The following ZMYND10 variants were observed in gnomAD, a reference collection of about 807,000 sequenced individuals.
ZMYND10 encodes the protein zinc finger MYND-type containing 10, also known as zinc finger MYND domain-containing protein 10.
A neutral mutation model predicts 62.6 loss-of-function variants in ZMYND10; 52 were observed. That is an observed-to-expected ratio of 0.83 (90% CI 0.67 to 1.05). The LOEUF (loss-of-function observed/expected upper bound fraction) is 1.05. Ranked by LOEUF, ZMYND10 falls within the 50% of genes least tolerant of loss-of-function variation. The pLI is 0.00. For missense variants in ZMYND10, 438 were observed against 543.3 expected (o/e 0.81, Z 1.93); for synonymous variants, 197 against 218.5 (o/e 0.90, Z 0.87).
At chr3:50,342,832 C>T (rs1703428388) in intron 7 of ZMYND10, 86 bp downstream of exon 7, 3 of 1,520,770 alleles carry the variant, frequency 2.0e-6, no homozygotes, top group Admixed American at 3.8e-5. Context: ...CAGGGTTTGT[C>T]TTCGTGTGTG....
chr3:50,345,287 TG>T lies in ZMYND10; in HGVS notation c.93-56del, dbSNP rs869143345. ...CACGTGTGTGCATTAGGAGTGGGGA[TG>T]GGGGCTGGATCCTACTGAAGCCTAA... On this transcript the variant is annotated intron_variant, in intron 1 of 11. Transcript: ENST00000231749. This position sits in a 1 kb window ranked among gnomAD's most constrained non-coding sequence, Gnocchi z 5.0. 2 of 1,578,590 alleles carry T rather than the reference TG, an allele frequency of 1.3e-6. No individual in the cohort carries two copies. Among genetic ancestry groups the T allele is most frequent in the Non-Finnish European group, 8.6e-7 (1 of 1,157,206 alleles).
At chr3:50,341,537 T>G in intron 11 of ZMYND10, 37 bp downstream of exon 11, 1 of 1,614,092 alleles carries the variant, frequency 6.2e-7, no homozygotes, top group Non-Finnish European at 8.5e-7. Flanking sequence ...GATGTGGGAG[T>G]AGGGCTTAGA....
chr3:50,341,234 G>A lies in ZMYND10; in HGVS notation c.*176C>T, dbSNP rs1336168877. ...CCCACTGGGTGGGGCAGGAAGTCTC[G>A]AGCCTTCACTTGGGGTGAGGAGGAG... On this transcript the variant is annotated 3_prime_UTR_variant, in exon 12 of 12. Transcript: ENST00000231749. The A allele has an allele frequency of 2.5e-6, 2 of 792,272 alleles. No homozygotes were observed. The highest frequency in any genetic ancestry group is 4.0e-6 in the Non-Finnish European group (2 of 503,966). The allele number at this position is 792,272 out of a possible 1,614,324, so 49.1% of individuals were successfully genotyped here. A position where few individuals can be genotyped will look rare whatever the true frequency, so the allele number is the denominator to read the frequency against.
At chr3:50,341,549 G>A (rs199567347) in intron 11 of ZMYND10, 25 bp downstream of exon 11, 133 of 1,614,216 alleles carry the variant, frequency 8.2e-5, no homozygotes, top group South Asian at 3.5e-4. Context: ...GGGCTTAGAG[G>A]TCCAAGGTTC....
chr3:50,342,430 G>A lies in ZMYND10; in HGVS notation c.840C>T (p.Cys280=). The change falls in exon 8 of 12, where the codon TGC becomes TGT. Residue 280 remains cysteine (C), a synonymous_variant. Transcript: ENST00000231749. ...GCCGTCCCTTGGCAAAACTTGTGAG[G>A]CAGTAGCGCGCCTGAGCCTCAGGGC... is the stretch of plus-strand genomic sequence containing the variant. ...LLSPEAQARY[C]LTSFAKGRLL... is the part of the protein sequence containing the mutation. 6.2e-7 allele frequency: 1 copy of A among 1,600,796 alleles called. No individual in the cohort carries two copies.
intron 2 of ZMYND10, among the ~76,000 whole-genome samples, chr3:50,344,367 G>A (rs1703479908): frequency 6.9e-6 from 1 of 145,738 alleles, no homozygotes; most frequent in Non-Finnish European, 1.5e-5. Context: ...CACCCAGGCT[G>A]GAGTGCAGTG....
At chr3:50,344,228 C>G (rs587601266) in intron 2 of ZMYND10, among the ~76,000 whole-genome samples, 1 of 152,258 alleles carries the variant, frequency 6.6e-6, no homozygotes, top group Non-Finnish European at 1.5e-5. Flanking sequence ...GTGCCTTGGC[C>G]TCACTCCTAC....
In ZMYND10 at chr3:50,343,608, G is replaced by T; in HGVS notation, c.327C>A (p.His109Gln). Reference sequence around the variant, plus strand: ...CCAAGAGGTTGATGATGGAGGCCTCGTGGTGCACCTGTCAGATAAAGAGAA... The same window carrying T: ...CCAAGAGGTTGATGATGGAGGCCTCTTGGTGCACCTGTCAGATAAAGAGAA... ...NTFPIYMVVHHEASIINLLET... is the reference protein window; with the variant it reads ...NTFPIYMVVHQEASIINLLET... The change falls in exon 4 of 12, where the codon CAC (histidine) becomes CAA (glutamine). Residue 109 changes from histidine (H) to glutamine (Q), a missense_variant. Physicochemically the swap from His to Gln is conservative, Grantham distance 24. Coordinates refer to ENST00000231749, the MANE Select transcript of ZMYND10 (RefSeq NM_015896.4). The T allele has an allele frequency of 6.2e-7, 1 of 1,614,122 alleles. No individual in the cohort carries two copies.
chr3:50,344,312 T>C (rs991726215), intron 2 of ZMYND10, among the ~76,000 whole-genome samples: 2 of 146,240 alleles, frequency 1.4e-5, no homozygotes, highest in South Asian at 2.1e-4. Context: ...GCAAAGGACC[T>C]TTCTTTTTTT....
rs780693468 is a variant in ZMYND10 at position 50,342,573 on chromosome 3, G to A, written c.701-4C>T. The A allele has an allele frequency of 1.9e-6, 3 of 1,610,958 alleles. No homozygotes were observed. The South Asian group carries it at 3.3e-5, about 18-fold the overall frequency. On this transcript the variant is annotated splice_region_variant and splice_polypyrimidine_tract_variant and intron_variant, in intron 7 of 11. Transcript: ENST00000231749. ...CCCTCGAACTGCTGCAGCTTGCCTG[G>A]GGAGAGGAACCAGCACACTGGGTGC...
chr3:50,343,340 C>T lies in ZMYND10; in HGVS notation c.477G>A (p.Glu159=), dbSNP rs377737133. Residue 159 remains glutamate, a synonymous_variant, in exon 5 of 12, where the codon GAG becomes GAA. Transcript: ENST00000231749. ...VAQSGCGGPP[E]GEGSQDSNPM... ...GGTTGCTGTCCTGGGATCCCTCCCC[C>T]TCAGGGGGGCCACCACAGCCACTCT... The T allele has an allele frequency of 8.7e-6, 14 of 1,612,822 alleles. No individual in the cohort carries two copies. The highest frequency in any genetic ancestry group is 1.1e-5 in the Non-Finnish European group (13 of 1,179,368).
chr3:50,343,214 G>A lies in ZMYND10; in HGVS notation c.511-8C>T, dbSNP rs776388288. ...TGCCTGCTTCTGCAGCTCCTGGGAG[G>A]TCACACAGTGTTCACGCTGGGCCAC... On this transcript the variant is annotated splice_polypyrimidine_tract_variant and splice_region_variant and intron_variant, in intron 5 of 11. Transcript: ENST00000231749. 5 of 1,614,166 alleles carry A rather than the reference G, an allele frequency of 3.1e-6. No individual in the cohort carries two copies. Among genetic ancestry groups the A allele is most frequent in the Admixed American group, 1.7e-5 (1 of 60,024 alleles).
chr3:50,343,710 G>T (rs947884676), intron 3 of ZMYND10, 24 bp downstream of exon 3: 1 of 1,613,710 alleles, frequency 6.2e-7, no homozygotes, highest in African/African-American at 1.3e-5. Context: ...GTGAGAAGAG[G>T]TATGAACCAG....
Position 50,342,116 on chromosome 3 carries a change from G to A in ZMYND10, c.898C>T (p.Leu300=), listed in dbSNP as rs1255707736. The A allele has an allele frequency of 3.7e-6, 6 of 1,612,674 alleles. No homozygotes were observed. The East Asian group carries it at 8.9e-5, about 24-fold the overall frequency. The change falls in exon 9 of 12, where the codon CTG becomes TTG. Residue 300 remains leucine (L), a synonymous_variant. Coordinates refer to ENST00000231749, the MANE Select transcript of ZMYND10 (RefSeq NM_015896.4). ...GCCAGGTTGGGCAGCTGGTCCAGCAGTGTGTCTGTGAGGAAGGCCCGAAGC... is the reference window on the plus strand; with the variant it reads ...GCCAGGTTGGGCAGCTGGTCCAGCAATGTGTCTGTGAGGAAGGCCCGAAGC... ...LKLRAFLTDT[L]LDQLPNLAHL... is the part of the protein sequence containing the mutation.
In ZMYND10 at chr3:50,341,335, T is replaced by G; in HGVS notation, c.*75A>C. The G allele has an allele frequency of 1.9e-6, 3 of 1,570,810 alleles. No individual in the cohort carries two copies. Among genetic ancestry groups the G allele is most frequent in the Non-Finnish European group, 2.6e-6 (3 of 1,149,418 alleles). On this transcript the variant is annotated 3_prime_UTR_variant, in exon 12 of 12. Transcript: ENST00000231749. ...TGGGGCTCCGGCAGAGGCTGGACCG[T>G]GATCTTGAGGTTCAGGGGTGCATTC... is the stretch of plus-strand genomic sequence containing the variant.
At position 50,341,268 on chromosome 3, in the gene ZMYND10, G is replaced by T; in HGVS notation, c.*142C>A. ...CTTGGGGTGAGGAGGAGGGAGATCG[G>T]TCAGCAGCTTTACCGCCCGCTCTGC... On this transcript the variant is annotated 3_prime_UTR_variant, in exon 12 of 12. Coordinates refer to ENST00000231749, the MANE Select transcript of ZMYND10 (RefSeq NM_015896.4). The T allele has an allele frequency of 9.7e-7, 1 of 1,028,258 alleles. No homozygotes were observed. Among genetic ancestry groups the T allele is most frequent in the Non-Finnish European group, 1.4e-6 (1 of 702,574 alleles). The allele number at this position is 1,028,258 out of a possible 1,614,324, so 63.7% of individuals were successfully genotyped here.
chr3:50,342,992 A>G lies in ZMYND10; in HGVS notation c.626T>C (p.Met209Thr). Residue 209 changes from methionine (M) to threonine (T), a missense_variant, in exon 7 of 12, where the codon ATG becomes ACG. Met to Thr is a moderately conservative substitution (Grantham distance 81, BLOSUM62 -1). Transcript: ENST00000231749. ...GCAGGGCAGGTTGTGTGTGCTAAGC[A>G]TACGGCTCAAGGTGCTGAGAGAGAG... ...DSLSLSTLSRMLSTHNLPCLL... is the reference protein window; with the variant it reads ...DSLSLSTLSRTLSTHNLPCLL... 4.3e-6 allele frequency: 7 copies of G among 1,614,138 alleles called. No homozygotes were observed. Among genetic ancestry groups the G allele is most frequent in the Non-Finnish European group, 5.9e-6 (7 of 1,180,000 alleles).
chr3:50,343,915 C>A, intron 2 of ZMYND10, 65 bp from the exon 3 acceptor site: 1 of 1,469,796 alleles, frequency 6.8e-7, no homozygotes, highest in East Asian at 2.3e-5. Flanking sequence ...ACCCTCCCAT[C>A]CCCGGCTCAG....
At position 50,345,645 on chromosome 3, in the gene ZMYND10, C is replaced by T. The variant is rs1287857190; in HGVS notation, c.-66G>A. The T allele has an allele frequency of 1.3e-6, 2 of 1,513,126 alleles. No homozygotes were observed. The highest frequency in any genetic ancestry group is 8.8e-7 in the Non-Finnish European group (1 of 1,132,938). 93.7% of individuals were successfully genotyped at this position (1,513,126 alleles called of 1,614,324 possible). The stretch of plus-strand genomic sequence containing the variant: ...GTGGGGATGCTGTCACATTCGGGGA[C>T]GACGGACCCCGACGGTGCCAAAGTC... On this transcript the variant is annotated 5_prime_UTR_variant, in exon 1 of 12. Transcript: ENST00000231749. The surrounding 1 kb of genome is among the most constrained non-coding windows in gnomAD (Gnocchi z 5.0).
Sources: allele counts gnomAD v4.1 joint callset (sites outside exome capture counted in the v4.1 genomes callset), GRCh38; gene constraint gnomAD v4.1.1; non-coding constraint Gnocchi (gnomAD v3.1); transcripts MANE v1.5; gene names NCBI Gene and HGNC (gene_info 2026-07-23, HGNC 2026-07-21).